PCDHGA5: variants seen among roughly 807,000 people sequenced by gnomAD.
PCDHGA5 encodes protocadherin gamma-A5.
A neutral mutation model predicts 56.7 loss-of-function variants in PCDHGA5; 36 were observed. The observed-to-expected ratio is 0.64, with a 90% CI of 0.49 to 0.84. The LOEUF (loss-of-function observed/expected upper bound fraction) is 0.84, where lower values mean the gene tolerates loss of function less well. Among genes scored for constraint, PCDHGA5 ranks in the 40% least tolerant of loss-of-function variants. The pLI, the probability that PCDHGA5 is intolerant of heterozygous loss-of-function variation, is 0.00. For synonymous variants in PCDHGA5, 563 were observed against 520.2 expected (o/e 1.08, Z -1.12); for missense variants, 1,305 against 1,201.5 (o/e 1.09, Z -1.27).
chr5:141,408,510 A>G (rs1298660421), intron 1 of PCDHGA5: 21 of 1,613,870 alleles, frequency 1.3e-5, no homozygotes, highest in Non-Finnish European at 1.8e-5. Context: ...AGAAGATGTG[A>G]GTTGCAATTG....
chr5:141,506,162 C>T (rs1448735916), intron 3 of PCDHGA5, among the ~76,000 whole-genome samples: 1 of 152,124 alleles, frequency 6.6e-6, no homozygotes, highest in Non-Finnish European at 1.5e-5. Flanking sequence ...CTTAAGAGCA[C>T]AGCCTAAGCT....
intron 1 of PCDHGA5, chr5:141,396,613 C>G (rs1283036515): frequency 6.6e-6 from 1 of 151,276 alleles, no homozygotes; most frequent in Non-Finnish European, 1.5e-5. Context: ...GGGTGAGACT[C>G]CGTCTCAAAA....
At chr5:141,372,626 C>T (rs1385028650) in intron 1 of PCDHGA5, 3 of 1,613,792 alleles carry the variant, frequency 1.9e-6, no homozygotes, top group East Asian at 2.2e-5. Context: ...CCACCTACAG[C>T]GAAAGGACTT....
Position 141,409,860 on chromosome 5 carries a change from G to A in PCDHGA5, c.2421+43109G>A, listed in dbSNP as rs764823576. On this transcript the variant is annotated intron_variant, in intron 1 of 3. Transcript: ENST00000518069. ...AACGTGAGCCTGCGCGTGTTGGTGG[G>A]AGACCGCAATGACAACGCACCGCGG... is the stretch of plus-strand genomic sequence containing the variant. The A allele has an allele frequency of 1.2e-5, 20 of 1,612,364 alleles. No homozygotes were observed. In the South Asian group the frequency reaches 1.8e-4, roughly 14 times the overall value.
intron 1 of PCDHGA5, chr5:141,375,266 G>GA: frequency 1.9e-6 from 3 of 1,613,846 alleles, no homozygotes; most frequent in Non-Finnish European, 1.7e-6. Context: ...ATTTGAATTG[G>GA]AAAAATCAGT....
At chr5:141,399,194 C>G in intron 1 of PCDHGA5, 1 of 1,613,838 alleles carries the variant, frequency 6.2e-7, no homozygotes, top group Non-Finnish European at 8.5e-7. Context: ...CTGGAAAACG[C>G]GGTGCCTGGA....
At position 141,476,645 on chromosome 5, in the gene PCDHGA5, A is replaced by G. The variant is rs150444699; in HGVS notation, c.2422-18162A>G. The G allele has an allele frequency of 1.2e-4, 199 of 1,614,128 alleles. No homozygotes were observed. Among genetic ancestry groups the G allele is most frequent in the Non-Finnish European group, 1.6e-4 (194 of 1,180,060 alleles). ...TTTACAAACCTATGAGCTGAGCCGA[A>G]ATGAATACTTTGCGCTTCGCGTGCA... On this transcript the variant is annotated intron_variant, in intron 1 of 3. Transcript: ENST00000518069. The surrounding 1 kb of genome is among the most constrained non-coding windows in gnomAD (Gnocchi z 7.6).
In PCDHGA5 at chr5:141,365,631, C is replaced by A; in HGVS notation, c.1301C>A (p.Thr434Lys). 3 of 1,613,644 alleles carry A rather than the reference C, an allele frequency of 1.9e-6. No individual in the cohort carries two copies. Among genetic ancestry groups the A allele is most frequent in the Non-Finnish European group, 2.5e-6 (3 of 1,179,878 alleles). Reference sequence around the variant, plus strand: ...GACCATGGAACCCCGCCCCTCTCTACAGAAAGCCACATCCCCTTGAAAGTA... The same window carrying A: ...GACCATGGAACCCCGCCCCTCTCTAAAGAAAGCCACATCCCCTTGAAAGTA... ...VMDHGTPPLS[T>K]ESHIPLKVAD... Residue 434 changes from threonine (T) to lysine (K), a missense_variant, in exon 1 of 4, where the codon ACA (threonine) becomes AAA (lysine). Coordinates refer to ENST00000518069, the MANE Select transcript of PCDHGA5 (RefSeq NM_018918.3).
At chr5:141,389,424 G>C (rs746873845) in intron 1 of PCDHGA5, 1 of 1,613,390 alleles carries the variant, frequency 6.2e-7, no homozygotes, top group African/African-American at 1.3e-5. Flanking sequence ...GGTGGTGTTC[G>C]CGCAGCGCGC....
chr5:141,441,789 A>G (rs889545483), intron 1 of PCDHGA5: 4 of 391,886 alleles, frequency 1.0e-5, no homozygotes, highest in Middle Eastern at 6.4e-4. Context: ...CCTGAATGAC[A>G]ACGCACCGCG....
At chr5:141,408,121 T>C in intron 1 of PCDHGA5, 1 of 1,475,406 alleles carries the variant, frequency 6.8e-7, no homozygotes, top group South Asian at 1.4e-5. Context: ...CCTCCTGTCC[T>C]GGGCCGAATG....
Position 141,486,388 on chromosome 5 carries a change from C to T in PCDHGA5, c.2422-8419C>T, listed in dbSNP as rs2099628930. ...TCAAGTCTGCCTTCAGGAACCAGTT[C>T]TCCCTGGTGACTGCTGGACCCTTGG... On this transcript the variant is annotated intron_variant, in intron 1 of 3. Coordinates refer to ENST00000518069, the MANE Select transcript of PCDHGA5 (RefSeq NM_018918.3). This position sits in a 1 kb window ranked among gnomAD's most constrained non-coding sequence, Gnocchi z 5.0. 2 of 1,613,988 alleles carry T rather than the reference C, an allele frequency of 1.2e-6. No individual in the cohort carries two copies. The highest frequency in any genetic ancestry group is 2.7e-5 in the African/African-American group (2 of 74,924).
rs763303627 is a variant in PCDHGA5 at position 141,489,719 on chromosome 5, C to T, written c.2422-5088C>T. The T allele has an allele frequency of 1.4e-5, 22 of 1,613,946 alleles. No homozygotes were observed. The highest frequency in any genetic ancestry group is 9.3e-5 in the African/African-American group (7 of 74,924). On this transcript the variant is annotated intron_variant, in intron 1 of 3. Coordinates refer to ENST00000518069, the MANE Select transcript of PCDHGA5 (RefSeq NM_018918.3). The surrounding 1 kb of genome is among the most constrained non-coding windows in gnomAD (Gnocchi z 4.5). ...TTCCCACTGGACAGTGCCCAGGATCCGGATGTGGGCACCAATACTGTGAGC... is the reference window on the plus strand; with the variant it reads ...TTCCCACTGGACAGTGCCCAGGATCTGGATGTGGGCACCAATACTGTGAGC...
Position 141,410,515 on chromosome 5 carries a change from G to A in PCDHGA5, c.2421+43764G>A, listed in dbSNP as rs373451539. The A allele has an allele frequency of 1.9e-6, 3 of 1,613,828 alleles. No homozygotes were observed. The African/African-American group carries it at 4.0e-5, about 22-fold the overall frequency. On this transcript the variant is annotated intron_variant, in intron 1 of 3. Coordinates refer to ENST00000518069, the MANE Select transcript of PCDHGA5 (RefSeq NM_018918.3). ...AGTTTAATTTCCTAAAATGCAGTGT[G>A]CCCCTACATTCCAATGAAGACATGG...
chr5:141,456,463 G>A (rs1195450847), intron 1 of PCDHGA5, among the ~76,000 whole-genome samples: 1 of 152,122 alleles, frequency 6.6e-6, no homozygotes, highest in Non-Finnish European at 1.5e-5. Context: ...ATCAATACAA[G>A]ACATATAAGC....
intron 1 of PCDHGA5, chr5:141,416,482 A>G (rs1009921478): frequency 6.6e-6 from 1 of 152,210 alleles, no homozygotes; most frequent in East Asian, 1.9e-4. Context: ...TGTTCCCGAG[A>G]ACAGGAGCAA....
At chr5:141,410,039 G>A (rs1413013254) in intron 1 of PCDHGA5, 2 of 1,613,264 alleles carry the variant, frequency 1.2e-6, no homozygotes, top group South Asian at 1.1e-5. Context: ...GCAGGCCAGT[G>A]AGCCCGGACT....
chr5:141,419,378 G>C (rs777509820), intron 1 of PCDHGA5: 3 of 1,613,712 alleles, frequency 1.9e-6, no homozygotes, highest in Admixed American at 3.3e-5. Context: ...CTACGTGTCC[G>C]TGAGCGCGCA....
rs765972156 is a variant in PCDHGA5, at chr5:141,432,960, G to A, written c.2422-61847G>A. 3.1e-6 allele frequency: 5 copies of A among 1,614,070 alleles called. No individual in the cohort carries two copies. The East Asian group carries it at 6.7e-5, about 22-fold the overall frequency. On this transcript the variant is annotated intron_variant, in intron 1 of 3. Transcript: ENST00000518069. This position sits in a 1 kb window ranked among gnomAD's most constrained non-coding sequence, Gnocchi z 6.0. ...CAGGCTTCAGGAGGCGGCTTGACAG[G>A]AGCGCCGGCGTCGCACTTTGTGGGC...
Sources: gnomAD v4.1 joint callset for allele counts (sites outside exome capture counted in the v4.1 genomes callset) on GRCh38, gnomAD v4.1.1 for gene constraint, Gnocchi (gnomAD v3.1) non-coding constraint, MANE v1.5 for transcripts, NCBI Gene and HGNC (gene_info 2026-07-23, HGNC 2026-07-21) for gene names.